OR10H3: variants seen among roughly 807,000 people sequenced by gnomAD.
OR10H3 encodes olfactory receptor family 10 subfamily H member 3.
Under a neutral mutation model 11.1 loss-of-function variants are expected in OR10H3, and 15 were observed. That is an observed-to-expected ratio of 1.36 (90% CI 0.91 to 2.09). The LOEUF (loss-of-function observed/expected upper bound fraction) is 2.09. Ranked by LOEUF, OR10H3 falls within the 30% of genes most tolerant of loss-of-function variation. The pLI is 0.00. For missense variants in OR10H3, 403 were observed against 391.5 expected (o/e 1.03, Z -0.25); for synonymous variants, 149 against 142.1 (o/e 1.05, Z -0.35).
Position 15,742,173 on chromosome 19 carries a change from T to G in OR10H3, c.781T>G (p.Tyr261Asp), listed in dbSNP as rs749192568. Reference protein sequence around the residue: ...VMHYSFASLIYLKPKGLHSMY... With the variant: ...VMHYSFASLIDLKPKGLHSMY... The stretch of plus-strand genomic sequence containing the variant: ...GCACTATAGTTTTGCCTCCCTTATC[T>G]ACCTCAAACCCAAGGGCCTCCATTC... Residue 261 changes from tyrosine to aspartate, a missense_variant, in exon 2 of 2, where the codon TAC (tyrosine) becomes GAC (aspartate). By Grantham distance (160) the Tyr-to-Asp change is radical. Coordinates refer to ENST00000641646, the MANE Select transcript of OR10H3 (RefSeq NM_013938.2). 1 of 1,614,134 alleles carries G rather than the reference T, an allele frequency of 6.2e-7. No homozygotes were observed. Among genetic ancestry groups the G allele is most frequent in the Non-Finnish European group, 8.5e-7 (1 of 1,180,022 alleles).
intron 1 of OR10H3, among the ~76,000 whole-genome samples, chr19:15,741,145 C>T (rs2008692066): frequency 6.6e-6 from 1 of 152,160 alleles, no homozygotes; most frequent in South Asian, 2.1e-4. Context: ...TTAATGGAAA[C>T]CCAATTAGTA....
chr19:15,741,692 T>G lies in OR10H3; in HGVS notation c.300T>G (p.Ile100Met). Reference protein sequence around the residue: ...HRSITFVACAIQMFFSFMFGF... With the variant: ...HRSITFVACAMQMFFSFMFGF... ...CCATCACCTTTGTGGCTTGTGCCAT[T>G]CAGATGTTCTTCTCCTTCATGTTTG... The change falls in exon 2 of 2, where the codon ATT becomes ATG. Residue 100 changes from isoleucine (I) to methionine (M), a missense_variant. Physicochemically the swap from Ile to Met is conservative, Grantham distance 10. Coordinates refer to ENST00000641646, the MANE Select transcript of OR10H3 (RefSeq NM_013938.2). The G allele has an allele frequency of 1.2e-6, 2 of 1,614,202 alleles. No homozygotes were observed. The highest frequency in any genetic ancestry group is 1.7e-6 in the Non-Finnish European group (2 of 1,180,044).
At chr19:15,738,515 G>C (rs1451109111) in intron 1 of OR10H3, among the ~76,000 whole-genome samples, 1 of 151,222 alleles carries the variant, frequency 6.6e-6, no homozygotes, top group Non-Finnish European at 1.5e-5. Flanking sequence ...AACTTGAGGA[G>C]ATGTGTTTGT....
At chr19:15,738,639 G>A (rs994386187) in intron 1 of OR10H3, among the ~76,000 whole-genome samples, 20 of 151,228 alleles carry the variant, frequency 1.3e-4, no homozygotes, top group African/African-American at 4.9e-4. Context: ...AACCCACTGG[G>A]GCAAAGATTT....
rs1390741979 is a variant in OR10H3, at chr19:15,741,456, C to A, written c.64C>A (p.Gln22Lys). Residue 22 changes from glutamine (Q) to lysine (K), a missense_variant, in exon 2 of 2, where the codon CAG becomes AAG. Coordinates refer to ENST00000641646, the MANE Select transcript of OR10H3 (RefSeq NM_013938.2). ...FILSGFSAFP[Q>K]QLLPVLFLLY... is the part of the protein sequence containing the mutation. Reference sequence around the variant, plus strand: ...CCTCTCTGGCTTCTCAGCCTTCCCCCAGCAGCTCCTGCCTGTCTTGTTCCT... The same window carrying A: ...CCTCTCTGGCTTCTCAGCCTTCCCCAAGCAGCTCCTGCCTGTCTTGTTCCT... 12 of 1,614,116 alleles carry A rather than the reference C, an allele frequency of 7.4e-6. No homozygotes were observed. Among genetic ancestry groups the A allele is most frequent in the Non-Finnish European group, 1.0e-5 (12 of 1,180,044 alleles).
chr19:15,740,015 G>A (rs571504550), intron 1 of OR10H3, among the ~76,000 whole-genome samples: 11 of 150,930 alleles, frequency 7.3e-5, no homozygotes, highest in African/African-American at 2.4e-4. Context: ...ACCACTTTGG[G>A]AGGCTGAGAC....
intron 1 of OR10H3, among the ~76,000 whole-genome samples, chr19:15,739,346 A>T (rs2008672674): frequency 6.6e-6 from 1 of 152,194 alleles, no homozygotes; most frequent in South Asian, 2.1e-4. Context: ...ATTGCTTTGT[A>T]ATTAATAATT....
chr19:15,742,040 C>T lies in OR10H3; in HGVS notation c.648C>T (p.Ile216=). 1 of 1,614,192 alleles carries T rather than the reference C, an allele frequency of 6.2e-7. No individual in the cohort carries two copies. The part of the protein sequence containing the change: ...VTALIGCLFL[I]ILSFVFIVAA... Reference sequence around the variant, plus strand: ...CCCTGATAGGCTGTTTGTTCCTCATCATCCTCTCCTTTGTCTTCATTGTGG... The same window carrying T: ...CCCTGATAGGCTGTTTGTTCCTCATTATCCTCTCCTTTGTCTTCATTGTGG... The change falls in exon 2 of 2, where the codon ATC becomes ATT. Residue 216 remains isoleucine, a synonymous_variant. Coordinates refer to ENST00000641646, the MANE Select transcript of OR10H3 (RefSeq NM_013938.2).
chr19:15,742,167 C>A lies in OR10H3; in HGVS notation c.775C>A (p.Leu259Ile). 6.2e-7 allele frequency: 1 copy of A among 1,614,148 alleles called. No homozygotes were observed. Among genetic ancestry groups the A allele is most frequent in the South Asian group, 1.1e-5 (1 of 91,082 alleles). Residue 259 changes from leucine to isoleucine, a missense_variant, in exon 2 of 2, where the codon CTT becomes ATT. By Grantham distance (5) the Leu-to-Ile change is conservative. Transcript: ENST00000641646. ...GGTCATGCACTATAGTTTTGCCTCC[C>A]TTATCTACCTCAAACCCAAGGGCCT... ...VVVMHYSFAS[L>I]IYLKPKGLHS...
intron 1 of OR10H3, among the ~76,000 whole-genome samples, chr19:15,738,602 T>G (rs539054413): frequency 6.6e-5 from 10 of 152,198 alleles, no homozygotes; most frequent in Non-Finnish European, 1.0e-4. Context: ...TTTTAACAGT[T>G]TAATAGTACT....
In OR10H3 at chr19:15,741,698, GTTC is replaced by G. The variant is rs968753741; in HGVS notation, c.311_313del (p.Phe104del). On this transcript the variant is annotated inframe_deletion, in exon 2 of 2. Coordinates refer to ENST00000641646, the MANE Select transcript of OR10H3 (RefSeq NM_013938.2). ...CCTTTGTGGCTTGTGCCATTCAGAT[GTTC>G]TTCTCCTTCATGTTTGGCTTCACTC... The G allele has an allele frequency of 1.9e-6, 3 of 1,613,984 alleles. No homozygotes were observed. The highest frequency in any genetic ancestry group is 1.6e-4 in the Middle Eastern group (1 of 6,084).
At chr19:15,740,239 G>C (rs2008683080) in intron 1 of OR10H3, among the ~76,000 whole-genome samples, 1 of 152,122 alleles carries the variant, frequency 6.6e-6, no homozygotes, top group Non-Finnish European at 1.5e-5. Flanking sequence ...TGTAACCTAG[G>C]GGGCAGAGTG....
In OR10H3 at chr19:15,742,165, C is replaced by A. The variant is rs367916051; in HGVS notation, c.773C>A (p.Ser258Tyr). Residue 258 changes from serine (S) to tyrosine (Y), a missense_variant, in exon 2 of 2, where the codon TCC becomes TAC. By Grantham distance (144) the Ser-to-Tyr change is moderately radical. Coordinates refer to ENST00000641646, the MANE Select transcript of OR10H3 (RefSeq NM_013938.2). Reference sequence around the variant, plus strand: ...GTGGTCATGCACTATAGTTTTGCCTCCCTTATCTACCTCAAACCCAAGGGC... The same window carrying A: ...GTGGTCATGCACTATAGTTTTGCCTACCTTATCTACCTCAAACCCAAGGGC... ...TVVVMHYSFA[S>Y]LIYLKPKGLH... 12 of 1,614,040 alleles carry A rather than the reference C, an allele frequency of 7.4e-6. No homozygotes were observed. The highest frequency in any genetic ancestry group is 1.0e-5 in the Non-Finnish European group (12 of 1,180,048).
At chr19:15,741,343 T>G in intron 1 of OR10H3, 39 bp from the exon 2 acceptor site, 1 of 1,362,474 alleles carries the variant, frequency 7.3e-7, no homozygotes, top group Non-Finnish European at 1.0e-6. Flanking sequence ...AGTCTAAGTT[T>G]TAACCACTGT....
rs1568438463 is a variant in OR10H3, at chr19:15,741,410, C to T, written c.18C>T (p.Tyr6=). 1.9e-6 allele frequency: 3 copies of T among 1,612,654 alleles called. No individual in the cohort carries two copies. Among genetic ancestry groups the T allele is most frequent in the Non-Finnish European group, 1.7e-6 (2 of 1,178,730 alleles). MPGQN[Y]RTISEFILSG... Reference sequence around the variant, plus strand: ...CAGTATCCATGCCTGGTCAGAACTACAGAACCATATCTGAATTTATCCTCT... The same window carrying T: ...CAGTATCCATGCCTGGTCAGAACTATAGAACCATATCTGAATTTATCCTCT... Residue 6 remains tyrosine (Y), a synonymous_variant, in exon 2 of 2, where the codon TAC becomes TAT. Transcript: ENST00000641646.
chr19:15,739,492 A>G (rs1449534711), intron 1 of OR10H3, among the ~76,000 whole-genome samples: 1 of 152,062 alleles, frequency 6.6e-6, no homozygotes, highest in Non-Finnish European at 1.5e-5. Context: ...GAAGTTTGAG[A>G]CCAGCCTGGC....
At position 15,742,191 on chromosome 19, in the gene OR10H3, C is replaced by T; in HGVS notation, c.799C>T (p.Leu267Phe). Residue 267 changes from leucine to phenylalanine, a missense_variant, in exon 2 of 2, where the codon CTC becomes TTC. By Grantham distance (22) the Leu-to-Phe change is conservative (BLOSUM62 0). Coordinates refer to ENST00000641646, the MANE Select transcript of OR10H3 (RefSeq NM_013938.2). ...ASLIYLKPKGLHSMYSDALMA... is the reference protein window; with the variant it reads ...ASLIYLKPKGFHSMYSDALMA... ...CCTTATCTACCTCAAACCCAAGGGC[C>T]TCCATTCTATGTACAGTGATGCCTT... The T allele has an allele frequency of 6.2e-7, 1 of 1,614,150 alleles. No homozygotes were observed. Among genetic ancestry groups the T allele is most frequent in the Non-Finnish European group, 8.5e-7 (1 of 1,180,042 alleles).
At position 15,742,259 on chromosome 19, in the gene OR10H3, A is replaced by G. The variant is rs151053559; in HGVS notation, c.867A>G (p.Pro289=). 249 of 1,614,118 alleles carry G rather than the reference A, an allele frequency of 1.5e-4. 1 individual carries two copies. The African/African-American group carries it at 2.9e-3, about 19-fold the overall frequency. The change falls in exon 2 of 2, where the codon CCA becomes CCG. Residue 289 remains proline (P), a synonymous_variant. Transcript: ENST00000641646. ...TYTVFTPFLS[P]IIFSLRNKEL... ...CTGTCTTCACCCCCTTCCTCAGCCCAATCATTTTCAGTCTAAGGAACAAGG... is the reference window on the plus strand; with the variant it reads ...CTGTCTTCACCCCCTTCCTCAGCCCGATCATTTTCAGTCTAAGGAACAAGG...
chr19:15,738,900 A>G (rs1219807492), intron 1 of OR10H3, among the ~76,000 whole-genome samples: 1 of 150,716 alleles, frequency 6.6e-6, no homozygotes. Context: ...TATCTTATTA[A>G]TTTTTTCCAA....
Sources: gnomAD v4.1 joint callset for allele counts (sites outside exome capture counted in the v4.1 genomes callset) on GRCh38, gnomAD v4.1.1 for gene constraint, MANE v1.5 for transcripts, NCBI Gene and HGNC (gene_info 2026-07-23, HGNC 2026-07-21) for gene names.